The following MAPK10 variants were observed in gnomAD, a reference collection of about 807,000 sequenced individuals.
The protein encoded by MAPK10 is mitogen-activated protein kinase 10.
Under a neutral mutation model 59.3 loss-of-function variants are expected in MAPK10, and 25 were observed. That is an observed-to-expected ratio of 0.42 (90% CI 0.31 to 0.59). The LOEUF (loss-of-function observed/expected upper bound fraction) is 0.59. MAPK10 is among the 20% of genes least tolerant of loss of function. The probability of loss-of-function intolerance (pLI) is 0.15; values close to 1 mark genes in which losing one functional copy is unlikely to be tolerated. For synonymous variants in MAPK10, 190 were observed against 200.5 expected (o/e 0.95, Z 0.44); for missense variants, 351 against 568.9 (o/e 0.62, Z 3.90).
At chr4:86,114,294 A>G (rs538405897) in intron 4 of MAPK10, among the ~76,000 whole-genome samples, 1 of 151,988 alleles carries the variant, frequency 6.6e-6, no homozygotes, top group East Asian at 1.9e-4. Context: ...GAGAAGAGGG[A>G]CTCTGGCTTT....
intron 9 of MAPK10, 183 bp downstream of exon 9, chr4:86,098,341 G>T (rs1294972311): frequency 1.5e-6 from 1 of 669,502 alleles, no homozygotes; most frequent in South Asian, 6.6e-5. Flanking sequence ...TTAATTAAAA[G>T]AAATCATTGT....
intron 1 of MAPK10, among the ~76,000 whole-genome samples, chr4:86,477,325 C>G (rs1378036777): frequency 6.6e-6 from 1 of 152,144 alleles, no homozygotes; most frequent in Non-Finnish European, 1.5e-5. Flanking sequence ...TAGTTATCCC[C>G]ACCTGCCCAG....
intron 9 of MAPK10, among the ~76,000 whole-genome samples, chr4:86,078,412 T>C (rs956050321): frequency 6.6e-6 from 1 of 152,178 alleles, no homozygotes; most frequent in Non-Finnish European, 1.5e-5. Context: ...AAGTGGCACA[T>C]GCAGTCTCCT....
At chr4:86,160,010 A>T (rs2069048904) in intron 3 of MAPK10, among the ~76,000 whole-genome samples, 1 of 152,042 alleles carries the variant, frequency 6.6e-6, no homozygotes, top group South Asian at 2.1e-4. Context: ...ATTTGTCCTC[A>T]TTAATATCAC....
chr4:86,468,357 G>A lies in MAPK10; in HGVS notation c.-262-113713C>T, dbSNP rs575414392. 2.3e-3 allele frequency among the ~76,000 whole-genome samples: 347 copies of A among 152,126 alleles called. 1 individual carries two copies. Among genetic ancestry groups the A allele is most frequent in the Non-Finnish European group, 4.1e-3 (281 of 68,006 alleles). ...TTGCAATAGTCCCTTTGACCACTTC[G>A]CAATAATCCTTTCAAATAATGGCTC... On this transcript the variant is annotated intron_variant, in intron 1 of 4. Transcript: ENST00000502302.
At chr4:86,232,281 C>T (rs1471160772) in intron 2 of MAPK10, among the ~76,000 whole-genome samples, 1 of 152,164 alleles carries the variant, frequency 6.6e-6, no homozygotes, top group Non-Finnish European at 1.5e-5. Context: ...AGATTCTATG[C>T]AGATGCAAGC....
chr4:86,467,360 G>A (rs778332955), intron 1 of MAPK10, among the ~76,000 whole-genome samples: 2 of 152,182 alleles, frequency 1.3e-5, no homozygotes, highest in South Asian at 2.1e-4. Flanking sequence ...AATAAAATAG[G>A]TTGAGGGGTT....
chr4:86,356,473 T>C, intron 1 of MAPK10: 1 of 917,264 alleles, frequency 1.1e-6, no homozygotes, highest in Non-Finnish European at 1.3e-6. Flanking sequence ...TGATGTCTCC[T>C]CTTAAGAGTT....
intron 1 of MAPK10, among the ~76,000 whole-genome samples, chr4:86,417,272 A>T (rs1564832091): frequency 6.6e-6 from 1 of 152,232 alleles, no homozygotes; most frequent in East Asian, 1.9e-4. Context: ...CCCCTTAAAA[A>T]TAAAGCCCAA....
intron 1 of MAPK10, among the ~76,000 whole-genome samples, chr4:86,416,887 C>T (rs1270224143): frequency 6.6e-6 from 1 of 152,158 alleles, no homozygotes; most frequent in Non-Finnish European, 1.5e-5. Flanking sequence ...TGCTTTCCCC[C>T]CACCATCTCA....
chr4:86,354,588 T>A lies in MAPK10; in HGVS notation c.-65A>T. On this transcript the variant is annotated 5_prime_UTR_variant, in exon 2 of 14. An upstream start codon of the reference 5' UTR is lost. Coordinates refer to ENST00000641462, the MANE Select transcript of MAPK10 (RefSeq NM_138982.4). ...GGGTCTAATTCAACAGTTTCTTGCA[T>A]AAGTTGCCATAGTGAAGATCTGAGA... 3 of 1,231,546 alleles carry A rather than the reference T, an allele frequency of 2.4e-6. No homozygotes were observed. Among genetic ancestry groups the A allele is most frequent in the Non-Finnish European group, 3.0e-6 (3 of 987,476 alleles). 76.3% of individuals were successfully genotyped at this position (1,231,546 alleles called of 1,614,324 possible).
At chr4:86,549,366 A>G (rs1177417591) in intron 1 of MAPK10, among the ~76,000 whole-genome samples, 2 of 152,314 alleles carry the variant, frequency 1.3e-5, no homozygotes, top group Admixed American at 6.5e-5. Flanking sequence ...GGTATAGTCC[A>G]TTGCTCCTAC....
chr4:86,135,527 A>G (rs945124437), intron 4 of MAPK10, among the ~76,000 whole-genome samples: 1 of 152,078 alleles, frequency 6.6e-6, no homozygotes, highest in South Asian at 2.1e-4. Context: ...CACACCAAAA[A>G]CCCATCTGTA....
intron 1 of MAPK10, among the ~76,000 whole-genome samples, chr4:86,562,074 G>A (rs1433175059): frequency 6.6e-6 from 1 of 152,104 alleles, no homozygotes; most frequent in Non-Finnish European, 1.5e-5. Flanking sequence ...TCAAGAGTTG[G>A]GCCAGGCATG....
At chr4:86,463,977 C>T (rs1751975919) in intron 1 of MAPK10, among the ~76,000 whole-genome samples, 1 of 152,168 alleles carries the variant, frequency 6.6e-6, no homozygotes, top group Admixed American at 6.5e-5. Context: ...TTTTCTTCCA[C>T]ATACTAATTC....
chr4:86,325,153 T>TA (rs540300808), intron 2 of MAPK10, among the ~76,000 whole-genome samples: 10 of 151,834 alleles, frequency 6.6e-5, no homozygotes, highest in African/African-American at 1.9e-4. Flanking sequence ...AAAATACTCA[T>TA]AAAAAAAATA....
At chr4:86,537,887 T>C (rs998357080) in intron 1 of MAPK10, among the ~76,000 whole-genome samples, 2 of 152,232 alleles carry the variant, frequency 1.3e-5, no homozygotes, top group African/African-American at 2.4e-5. Flanking sequence ...CCTTGTTTTA[T>C]AAATCTTTTC....
intron 2 of MAPK10, among the ~76,000 whole-genome samples, chr4:86,278,347 G>A (rs190578721): frequency 1.4e-4 from 21 of 152,248 alleles, no homozygotes; most frequent in African/African-American, 4.8e-4. Context: ...TGGCTATGGA[G>A]TCTACTCCAA....
rs568640524 is a variant in MAPK10 at position 86,143,215 on chromosome 4, G to A, written c.236+16083C>T. Among the ~76,000 whole-genome samples the A allele has an allele frequency of 2.7e-4, 41 of 152,214 alleles. 1 individual carries two copies. The highest frequency in any genetic ancestry group is 2.3e-3 in the South Asian group (11 of 4,816). On this transcript the variant is annotated intron_variant, in intron 4 of 13. Coordinates refer to ENST00000641462, the MANE Select transcript of MAPK10 (RefSeq NM_138982.4). ...TTAATCACTATCACAAGAACAGCAC[G>A]GGGGAAAATGTCCCCATGATCCAAT... is the stretch of plus-strand genomic sequence containing the variant.
Sources: allele counts gnomAD v4.1 joint callset (sites outside exome capture counted in the v4.1 genomes callset), GRCh38; gene constraint gnomAD v4.1.1; transcripts MANE v1.5; gene names NCBI Gene and HGNC (gene_info 2026-07-23, HGNC 2026-07-21).